TPM1: variants seen among roughly 807,000 people sequenced by gnomAD.
TPM1 encodes tropomyosin 1.
Under a neutral mutation model 42.9 loss-of-function variants are expected in TPM1, and 24 were observed. The ratio of observed to expected loss-of-function variants is 0.56; its 90% CI spans 0.41 to 0.79. The LOEUF is 0.79. Among genes scored for constraint, TPM1 ranks in the 30% least tolerant of loss-of-function variants. The pLI, the probability that TPM1 is intolerant of heterozygous loss-of-function variation, is 0.00. For missense variants in TPM1, 158 were observed against 351.8 expected (o/e 0.45, Z 4.41); for synonymous variants, 136 against 130.1 (o/e 1.05, Z -0.31).
At chr15:63,061,601 C>A in intron 5 of TPM1, 112 bp from the exon 6 acceptor site, 2 of 1,036,414 alleles carry the variant, frequency 1.9e-6, no homozygotes, top group South Asian at 1.3e-5. Flanking sequence ...TACTTTAAGG[C>A]AGCCCTTCGT....
chr15:63,061,092 A>G, intron 5 of TPM1, 153 bp downstream of exon 5: 1 of 1,447,982 alleles, frequency 6.9e-7, no homozygotes, highest in East Asian at 2.3e-5. Flanking sequence ...TGGAACATGG[A>G]GGACTCGTGT....
At chr15:63,070,290 G>GTATGTATA (rs1555411996), downstream of TPM1, 5 of 503,006 alleles carry the variant, frequency 9.9e-6, no homozygotes, top group South Asian at 2.0e-4. Context: ...CTTTAAGTAT[G>GTATGTATA]TATATATATA....
intron 2 of TPM1, chr15:63,048,159 A>G: frequency 2.2e-6 from 1 of 445,866 alleles, no homozygotes; most frequent in South Asian, 1.6e-5. Context: ...TATTGCCCTT[A>G]GCAGCCAGCT....
In TPM1 at chr15:63,062,971, G is replaced by A. The variant is rs148203848; in HGVS notation, c.772+326G>A. 4.4e-5 allele frequency: 62 copies of A among 1,393,758 alleles called. No homozygotes were observed. The Admixed American group carries it at 9.3e-4, about 21-fold the overall frequency. The allele number at this position is 1,393,758 out of a possible 1,614,324, so 86.3% of individuals were successfully genotyped here. On this transcript the variant is annotated intron_variant, in intron 8 of 9. Transcript: ENST00000403994. ...GACTCTAGTATATTTTATATCTTTA[G>A]TGTTACTTCCTAATTAAATTGGGAA...
intron 2 of TPM1, chr15:63,048,679 T>C (rs1279024018): frequency 6.5e-7 from 1 of 1,539,558 alleles, no homozygotes; most frequent in Non-Finnish European, 8.7e-7. Flanking sequence ...CAGCGCGAGC[T>C]GGACCACGAG....
downstream of TPM1, chr15:63,070,183 C>G: frequency 2.3e-6 from 3 of 1,306,568 alleles, no homozygotes; most frequent in Non-Finnish European, 2.9e-6. Context: ...CAATTCAGCA[C>G]TGCTCCTTGA....
Position 63,060,856 on chromosome 15 carries a change from C to T in TPM1, c.493-13C>T, listed in dbSNP as rs143628676. The T allele has an allele frequency of 1.2e-5, 19 of 1,614,198 alleles. No homozygotes were observed. The highest frequency in any genetic ancestry group is 1.6e-4 in the Middle Eastern group (1 of 6,062). The stretch of plus-strand genomic sequence containing the variant: ...AAGACCCATGGTGTGTGTGTTGTGT[C>T]TTCCTGCTGCAGGTGGCCCGTAAGC... On this transcript the variant is annotated splice_polypyrimidine_tract_variant and intron_variant, in intron 4 of 9. Coordinates refer to ENST00000403994, the MANE Select transcript of TPM1 (RefSeq NM_001018005.2).
chr15:63,061,143 T>C, intron 5 of TPM1: 1 of 1,575,428 alleles, frequency 6.3e-7, no homozygotes, highest in Non-Finnish European at 8.7e-7. Context: ...CTGCATGCCT[T>C]ACCTGCACAC....
At chr15:63,055,322 C>T (rs2034611813) in intron 2 of TPM1, among the ~76,000 whole-genome samples, 1 of 152,160 alleles carries the variant, frequency 6.6e-6, no homozygotes, top group South Asian at 2.1e-4. Context: ...TTTATAGAGT[C>T]CTTCACCGTG....
downstream of TPM1, chr15:63,066,233 G>A (rs2036265372): frequency 3.2e-6 from 4 of 1,240,166 alleles, no homozygotes; most frequent in East Asian, 7.6e-5. Flanking sequence ...ACACTATACA[G>A]AATTATATCA....
intron 2 of TPM1, 102 bp downstream of exon 2, chr15:63,044,254 C>A (rs541840203): frequency 6.4e-7 from 1 of 1,560,432 alleles, no homozygotes; most frequent in African/African-American, 1.4e-5. Flanking sequence ...CCTTTTCCTG[C>A]TGGACACCTG....
chr15:63,059,397 C>T (rs2035277272), intron 3 of TPM1, among the ~76,000 whole-genome samples, 166 bp from the exon 4 acceptor site: 2 of 152,120 alleles, frequency 1.3e-5, no homozygotes, highest in Admixed American at 1.3e-4. Flanking sequence ...CTTTTTTCCA[C>T]CTTTAGCTCT....
At chr15:63,057,310 C>A (rs1304889332) in intron 3 of TPM1, among the ~76,000 whole-genome samples, 192 bp downstream of exon 3, 5 of 152,196 alleles carry the variant, frequency 3.3e-5, no homozygotes, top group African/African-American at 1.2e-4. Flanking sequence ...ATGTCCAAAG[C>A]ACTGTCCTAA....
At chr15:63,057,833 G>T (rs1363834669) in intron 3 of TPM1, among the ~76,000 whole-genome samples, 2 of 152,194 alleles carry the variant, frequency 1.3e-5, no homozygotes, top group African/African-American at 4.8e-5. Flanking sequence ...GTAAGGATTT[G>T]CCATATTGCA....
chr15:63,056,215 A>C (rs929345075), intron 2 of TPM1: 5 of 152,246 alleles, frequency 3.3e-5, no homozygotes, highest in Non-Finnish European at 1.5e-5. Flanking sequence ...GAAAGAGTTG[A>C]GTGAAACTCT....
chr15:63,050,686 A>C (rs999318929), intron 2 of TPM1, among the ~76,000 whole-genome samples: 1 of 152,246 alleles, frequency 6.6e-6, no homozygotes, highest in Non-Finnish European at 1.5e-5. Context: ...GATTGAACAC[A>C]GAACCTTTTA....
intron 2 of TPM1, chr15:63,046,643 G>A (rs2032439118): frequency 6.6e-6 from 1 of 152,570 alleles, no homozygotes; most frequent in Non-Finnish European, 1.5e-5. Flanking sequence ...GGCTGAAGGG[G>A]ATCGAAGACT....
At chr15:63,071,020 C>G, downstream of TPM1, 2 of 1,607,626 alleles carry the variant, frequency 1.2e-6, no homozygotes, top group Non-Finnish European at 1.7e-6. Flanking sequence ...GTTTGCCTGC[C>G]TAAATGTACA....
chr15:63,044,009 C>T lies in TPM1; in HGVS notation c.115-18C>T, dbSNP rs1166679934. 6.2e-7 allele frequency: 1 copy of T among 1,612,600 alleles called. No individual in the cohort carries two copies. The highest frequency in any genetic ancestry group is 1.3e-5 in the African/African-American group (1 of 74,860). ...GCTGCACCCCCCTCCCTCCCTGTAC[C>T]CCCTGGCCAACTCCCAGCTGGAAGA... On this transcript the variant is annotated intron_variant, in intron 1 of 9. Coordinates refer to ENST00000403994, the MANE Select transcript of TPM1 (RefSeq NM_001018005.2).
Sources: gnomAD v4.1 joint callset for allele counts (sites outside exome capture counted in the v4.1 genomes callset) on GRCh38, gnomAD v4.1.1 for gene constraint, MANE v1.5 for transcripts, NCBI Gene and HGNC (gene_info 2026-07-23, HGNC 2026-07-21) for gene names.